The following KCTD18 variants were observed in gnomAD, a reference collection of about 807,000 sequenced individuals.
KCTD18 encodes the protein potassium channel tetramerization domain containing 18.
A neutral mutation model predicts 30.4 loss-of-function variants in KCTD18; 22 were observed. The observed-to-expected ratio is 0.72, with a 90% CI of 0.52 to 1.03. The LOEUF (loss-of-function observed/expected upper bound fraction) is 1.03. Among genes scored for constraint, KCTD18 ranks in the 50% least tolerant of loss-of-function variants. The pLI is 0.00. For synonymous variants in KCTD18, 186 were observed against 209.0 expected (o/e 0.89, Z 0.95); for missense variants, 529 against 547.6 (o/e 0.97, Z 0.34).
Position 200,504,841 on chromosome 2 carries a change from A to G in KCTD18, c.279T>C (p.Asp93=), listed in dbSNP as rs745468297. The G allele has an allele frequency of 1.7e-5, 28 of 1,614,062 alleles. No homozygotes were observed. In the Admixed American group the frequency reaches 4.3e-4, roughly 25 times the overall value. The change falls in exon 3 of 7, where the codon GAT becomes GAC. Residue 93 remains aspartate, a synonymous_variant. Coordinates refer to ENST00000359878, the MANE Select transcript of KCTD18 (RefSeq NM_152387.4). ...QTRIALQEEA[D]YFGIPYPYSL... is the part of the protein sequence containing the mutation. ...TGTATGGATAAGGGATGCCAAAGTA[A>G]TCAGCCTCTTCCTGTAGGGCGATGC...
chr2:200,498,103 G>A (rs569435955), intron 4 of KCTD18, among the ~76,000 whole-genome samples: 2 of 152,068 alleles, frequency 1.3e-5, no homozygotes, highest in South Asian at 4.2e-4. Context: ...GCACCATGTA[G>A]ACAAATCAAC....
At chr2:200,492,962 C>T (rs751033129) in intron 6 of KCTD18, among the ~76,000 whole-genome samples, 13 of 152,118 alleles carry the variant, frequency 8.5e-5, no homozygotes, top group Non-Finnish European at 1.8e-4. Flanking sequence ...GTTACACATG[C>T]AGTTACAAAG....
rs1338366844 is a variant in KCTD18 at position 200,489,082 on chromosome 2, C to CTTA, written c.*1015_*1017dup. 1.3e-5 allele frequency: 2 copies of CTTA among 152,488 alleles called. No homozygotes were observed. The highest frequency in any genetic ancestry group is 2.9e-5 in the Non-Finnish European group (2 of 68,010). 9.4% of individuals were successfully genotyped at this position (152,488 alleles called of 1,614,324 possible). A position where few individuals can be genotyped will look rare whatever the true frequency, so the allele number is the denominator to read the frequency against. On this transcript the variant is annotated 3_prime_UTR_variant, in exon 7 of 7. Transcript: ENST00000359878. The stretch of plus-strand genomic sequence containing the variant: ...AATAAAAAGTACCCTGTTTTATGAG[C>CTTA]TTATTTTTTAACATAGTGAAGGCAT...
In KCTD18 at chr2:200,508,300, G is replaced by C. The variant is rs971357168; in HGVS notation, c.-75-1209C>G. On this transcript the variant is annotated intron_variant, in intron 1 of 6. Coordinates refer to ENST00000359878, the MANE Select transcript of KCTD18 (RefSeq NM_152387.4). ...AGACGGCGTTTCACCATATTGGGCA[G>C]TCTGGTCTCCAACTCCTGACCTCAG... Among the ~76,000 whole-genome samples the C allele has an allele frequency of 2.0e-5, 3 of 152,204 alleles. No homozygotes were observed. The East Asian group carries it at 5.8e-4, about 29-fold the overall frequency.
intron 5 of KCTD18, chr2:200,495,724 G>A (rs1400381004): frequency 6.7e-6 from 1 of 149,084 alleles, no homozygotes; most frequent in African/African-American, 2.5e-5. Context: ...TTTTTTTTTT[G>A]TAGTAGTGGT....
At chr2:200,502,698 A>C (rs1432467652) in intron 3 of KCTD18, among the ~76,000 whole-genome samples, 1 of 152,198 alleles carries the variant, frequency 6.6e-6, no homozygotes, top group Non-Finnish European at 1.5e-5. Context: ...GCTAATGCAG[A>C]AGACAGACAT....
In KCTD18 at chr2:200,502,921, T is replaced by A. The variant is rs2029949339; in HGVS notation, c.372+1827A>T. Among the ~76,000 whole-genome samples, 6 of 151,550 alleles carry A rather than the reference T, an allele frequency of 4.0e-5. No individual in the cohort carries two copies. The South Asian group carries it at 1.2e-3, about 32-fold the overall frequency. On this transcript the variant is annotated intron_variant, in intron 3 of 6. Coordinates refer to ENST00000359878, the MANE Select transcript of KCTD18 (RefSeq NM_152387.4). ...GGCACATGCCTGTAATCCCAGCTAC[T>A]CAGGAGGCTGAGGCAGGAGAATCAC... is the stretch of plus-strand genomic sequence containing the variant.
At chr2:200,505,931 A>G (rs1237614393) in intron 2 of KCTD18, among the ~76,000 whole-genome samples, 1 of 152,124 alleles carries the variant, frequency 6.6e-6, no homozygotes, top group African/African-American at 2.4e-5. Context: ...GAAGGGATTA[A>G]GAAGGTAAAA....
chr2:200,509,029 G>A (rs1043762884), intron 1 of KCTD18, among the ~76,000 whole-genome samples: 2 of 152,022 alleles, frequency 1.3e-5, no homozygotes, highest in Non-Finnish European at 2.9e-5. Flanking sequence ...CTACTTTTTG[G>A]TCTGTAGGCC....
chr2:200,490,696 C>T (rs1288538035), intron 6 of KCTD18, 80 bp from the exon 7 acceptor site: 2 of 1,437,316 alleles, frequency 1.4e-6, no homozygotes, highest in African/African-American at 1.4e-5. Context: ...TTACCTTCAG[C>T]ATTAACAGAA....
intron 5 of KCTD18, 27 bp downstream of exon 5, chr2:200,497,726 C>T: frequency 6.8e-7 from 1 of 1,465,994 alleles, no homozygotes; most frequent in East Asian, 2.3e-5. Flanking sequence ...CCACCTGCTT[C>T]CATGAAATAA....
chr2:200,502,768 C>T (rs948391328), intron 3 of KCTD18, among the ~76,000 whole-genome samples: 1 of 152,040 alleles, frequency 6.6e-6, no homozygotes, highest in African/African-American at 2.4e-5. Context: ...CAGGGGCTCA[C>T]ACCTGTAACC....
intron 2 of KCTD18, among the ~76,000 whole-genome samples, chr2:200,505,749 G>A (rs896594550): frequency 2.6e-5 from 4 of 151,906 alleles, no homozygotes; most frequent in African/African-American, 7.3e-5. Context: ...CAGATGATTC[G>A]AATTACTGGG....
At chr2:200,506,750 A>G in intron 2 of KCTD18, 107 bp downstream of exon 2, 1 of 944,358 alleles carries the variant, frequency 1.1e-6, no homozygotes, top group Non-Finnish European at 1.6e-6. Context: ...GATCTCAGTA[A>G]TTAGTATAGT....
At chr2:200,508,517 C>G (rs1212988196) in intron 1 of KCTD18, among the ~76,000 whole-genome samples, 1 of 152,226 alleles carries the variant, frequency 6.6e-6, no homozygotes, top group Non-Finnish European at 1.5e-5. Context: ...TATTGAGAAT[C>G]TGCAGTATCC....
chr2:200,489,060 A>G lies in KCTD18; in HGVS notation c.*1040T>C, dbSNP rs1037678289. On this transcript the variant is annotated 3_prime_UTR_variant, in exon 7 of 7. Coordinates refer to ENST00000359878, the MANE Select transcript of KCTD18 (RefSeq NM_152387.4). ...AAAGTACAATGATAAGCATTTGAAT[A>G]AAAAGTACCCTGTTTTATGAGCTTA... 2 of 152,610 alleles carry G rather than the reference A, an allele frequency of 1.3e-5. No individual in the cohort carries two copies. Among genetic ancestry groups the G allele is most frequent in the African/African-American group, 2.4e-5 (1 of 41,466 alleles). 9.5% of individuals were successfully genotyped at this position (152,610 alleles called of 1,614,324 possible).
intron 1 of KCTD18, among the ~76,000 whole-genome samples, chr2:200,509,317 C>T (rs1377548706): frequency 6.6e-6 from 1 of 152,148 alleles, no homozygotes; most frequent in Non-Finnish European, 1.5e-5. Flanking sequence ...CTTCACCCCA[C>T]ACCGCCTCCT....
At chr2:200,498,620 C>G (rs1294075245) in intron 4 of KCTD18, among the ~76,000 whole-genome samples, 1 of 152,176 alleles carries the variant, frequency 6.6e-6, no homozygotes, top group African/African-American at 2.4e-5. Flanking sequence ...TTTTAAGCCT[C>G]TCAGGGGAGG....
chr2:200,500,447 A>G (rs1230242931), intron 3 of KCTD18, among the ~76,000 whole-genome samples: 1 of 152,190 alleles, frequency 6.6e-6, no homozygotes, highest in Non-Finnish European at 1.5e-5. Context: ...AGGATACAAA[A>G]TCAGTGTGCA....
Sources: allele counts gnomAD v4.1 joint callset (sites outside exome capture counted in the v4.1 genomes callset), GRCh38; gene constraint gnomAD v4.1.1; transcripts MANE v1.5; gene names NCBI Gene and HGNC (gene_info 2026-07-23, HGNC 2026-07-21).